The following CEP63 variants were observed in gnomAD, a reference collection of about 807,000 sequenced individuals.
CEP63 encodes centrosomal protein 63, also known as centrosomal protein of 63 kDa.
A neutral mutation model predicts 89.1 loss-of-function variants in CEP63; 84 were observed. The ratio of observed to expected loss-of-function variants is 0.94; its 90% CI spans 0.79 to 1.13. CEP63 has a LOEUF of 1.13. Among genes scored for constraint, CEP63 ranks in the 50% most tolerant of loss-of-function variants. The pLI is 0.00. For synonymous variants in CEP63, 267 were observed against 272.5 expected, an observed-to-expected ratio of 0.98 and a Z score of 0.20; for missense variants, 838 against 813.3, an observed-to-expected ratio of 1.03 and a Z score of -0.37.
the CEP63 span, among the ~76,000 whole-genome samples, chr3:134,710,802 A>G: frequency 6.7e-6 from 1 of 149,444 alleles, no homozygotes; most frequent in Non-Finnish European, 1.5e-5. Context: ...GCTCACTGCA[A>G]CCTCAGTCTC....
chr3:134,511,638 G>GT (rs1209543864), intron 3 of CEP63, among the ~76,000 whole-genome samples: 1 of 152,186 alleles, frequency 6.6e-6, no homozygotes, highest in Non-Finnish European at 1.5e-5. Context: ...AGCATGGCTG[G>GT]TGAGGCCTCA....
At chr3:134,716,962 A>C in the CEP63 span, among the ~76,000 whole-genome samples, 1 of 152,138 alleles carries the variant, frequency 6.6e-6, no homozygotes, top group East Asian at 1.9e-4. Flanking sequence ...CTGAGCATAA[A>C]CTTACTGAAG....
chr3:134,542,147 A>G (rs755948417), intron 6 of CEP63, among the ~76,000 whole-genome samples: 2 of 152,180 alleles, frequency 1.3e-5, no homozygotes, highest in African/African-American at 4.8e-5. Context: ...AGGTTGCTCT[A>G]TGTTTTCCTT....
the CEP63 span, among the ~76,000 whole-genome samples, chr3:134,740,462 TA>T: frequency 2.3e-3 from 343 of 152,122 alleles, 1 homozygote; most frequent in African/African-American, 7.7e-3. Flanking sequence ...TATGCCCGGC[TA>T]ATTTTTTGTA....
rs766020055 is a variant in CEP63, at chr3:134,545,730, G to T, written c.700G>T (p.Val234Phe). The change falls in exon 7 of 15, where the codon GTC becomes TTC. Residue 234 changes from valine to phenylalanine, a missense_variant. By Grantham distance (50) the Val-to-Phe change is conservative. Coordinates refer to ENST00000675561, the MANE Select transcript of CEP63 (RefSeq NM_001353108.3). ...GGAAATAGAGCGCCTCACCATGAGG[G>T]TCAATGACTTGGTTGGAACCAGTAT... ...ELEIERLTMR[V>F]NDLVGTSMTV... 6.2e-7 allele frequency: 1 copy of T among 1,614,144 alleles called. No homozygotes were observed. The highest frequency in any genetic ancestry group is 1.1e-5 in the South Asian group (1 of 91,086).
At chr3:134,749,569 A>T in the CEP63 span, among the ~76,000 whole-genome samples, 1 of 152,006 alleles carries the variant, frequency 6.6e-6, no homozygotes. Flanking sequence ...AGTGGATCTT[A>T]TCACTATCCC....
At chr3:134,700,263 C>T in the CEP63 span, among the ~76,000 whole-genome samples, 276 of 152,050 alleles carry the variant, frequency 1.8e-3, 1 homozygote, top group African/African-American at 2.3e-3. Flanking sequence ...ATTCCTGCCG[C>T]GCTGGCCCTG....
the CEP63 span, among the ~76,000 whole-genome samples, chr3:134,626,722 A>G: frequency 6.6e-6 from 1 of 152,142 alleles, no homozygotes; most frequent in Non-Finnish European, 1.5e-5. Context: ...ATGGTTTGAG[A>G]GGCAATGCCC....
At chr3:134,662,192 G>T in the CEP63 span, among the ~76,000 whole-genome samples, 3 of 151,902 alleles carry the variant, frequency 2.0e-5, no homozygotes, top group Non-Finnish European at 4.4e-5. Context: ...TAGGAGAATT[G>T]CTTGAACTCA....
At chr3:134,629,568 G>T in the CEP63 span, 2 of 1,422,956 alleles carry the variant, frequency 1.4e-6, no homozygotes, top group Non-Finnish European at 1.9e-6. Flanking sequence ...CCAACCAGCT[G>T]CCTTCAATCC....
chr3:134,672,386 A>T, the CEP63 span, among the ~76,000 whole-genome samples: 5 of 152,244 alleles, frequency 3.3e-5, no homozygotes, highest in African/African-American at 1.2e-4. Context: ...CTGAGCCTAA[A>T]AACAACTACC....
chr3:134,611,546 A>G, the CEP63 span, among the ~76,000 whole-genome samples: 4 of 152,244 alleles, frequency 2.6e-5, no homozygotes, highest in Non-Finnish European at 5.9e-5. Context: ...CTTCCTCAAG[A>G]CATTTTCCTT....
intron 11 of CEP63, among the ~76,000 whole-genome samples, chr3:134,550,844 C>T (rs909619238): frequency 5.3e-5 from 8 of 152,134 alleles, no homozygotes; most frequent in African/African-American, 1.9e-4. Flanking sequence ...CACCCAGATG[C>T]TGTTACAGTG....
chr3:134,609,307 AT>A, the CEP63 span, among the ~76,000 whole-genome samples: 1 of 151,948 alleles, frequency 6.6e-6, no homozygotes, highest in African/African-American at 2.4e-5. Context: ...GCCTCTCTGG[AT>A]GTCAGTAATG....
chr3:134,543,113 G>A (rs528694542), intron 6 of CEP63, among the ~76,000 whole-genome samples: 1 of 152,262 alleles, frequency 6.6e-6, no homozygotes, highest in African/African-American at 2.4e-5. Context: ...TGAGTCACAT[G>A]TAATTTAAAA....
At chr3:134,524,736 T>A (rs1375717720) in intron 3 of CEP63, among the ~76,000 whole-genome samples, 1 of 152,224 alleles carries the variant, frequency 6.6e-6, no homozygotes, top group Non-Finnish European at 1.5e-5. Flanking sequence ...GAAGCCTACT[T>A]GACTGTGGTG....
chr3:134,667,543 A>G, the CEP63 span, among the ~76,000 whole-genome samples: 3 of 152,236 alleles, frequency 2.0e-5, no homozygotes, highest in Non-Finnish European at 4.4e-5. Flanking sequence ...CCTCCTTCTC[A>G]TCTCTTAACT....
chr3:134,693,811 T>C, the CEP63 span, among the ~76,000 whole-genome samples: 3 of 152,176 alleles, frequency 2.0e-5, no homozygotes, highest in Non-Finnish European at 2.9e-5. Flanking sequence ...TTGGCTGCTC[T>C]CCACAGGAGT....
At chr3:134,744,430 C>T in the CEP63 span, among the ~76,000 whole-genome samples, 1 of 152,208 alleles carries the variant, frequency 6.6e-6, no homozygotes, top group Non-Finnish European at 1.5e-5. Context: ...TTAAGCTATT[C>T]TGCTAGGGAA....
Sources: allele counts gnomAD v4.1 joint callset (sites outside exome capture counted in the v4.1 genomes callset), GRCh38; gene constraint gnomAD v4.1.1; transcripts MANE v1.5; gene names NCBI Gene and HGNC (gene_info 2026-07-23, HGNC 2026-07-21).